Variants in UBE4B observed in about 807,000 individuals in gnomAD.
UBE4B encodes the protein ubiquitination factor E4B.
Under a neutral mutation model 148.1 loss-of-function variants are expected in UBE4B, and 27 were observed. That is an observed-to-expected ratio of 0.18 (90% confidence interval 0.13 to 0.25). The LOEUF (loss-of-function observed/expected upper bound fraction) is 0.25, where lower values mean the gene tolerates loss of function less well. UBE4B is among the 10% of genes least tolerant of loss of function. UBE4B has a pLI of 1.00. For synonymous variants in UBE4B, 596 were observed against 619.3 expected (o/e 0.96, Z 0.56); for missense variants, 1,170 against 1,662.4 (o/e 0.70, Z 5.15).
At chr1:10,072,547 C>T (rs1644506059) in intron 2 of UBE4B, 2 of 702,002 alleles carry the variant, frequency 2.8e-6, no homozygotes, top group Non-Finnish European at 2.6e-6. Context: ...ATAAAATAAT[C>T]TGAAAATGCA....
chr1:10,080,612 G>A (rs984878343), intron 2 of UBE4B, among the ~76,000 whole-genome samples: 1 of 152,114 alleles, frequency 6.6e-6, no homozygotes, highest in African/African-American at 2.4e-5. Context: ...CTCTACTCAT[G>A]TTCATTGCAG....
intron 10 of UBE4B, among the ~76,000 whole-genome samples, chr1:10,123,963 C>T (rs1186743171): frequency 6.6e-6 from 1 of 150,820 alleles, no homozygotes; most frequent in East Asian, 2.0e-4. Context: ...TTATTAGAGA[C>T]GGGGTTTCAC....
intron 7 of UBE4B, among the ~76,000 whole-genome samples, chr1:10,114,893 T>G (rs1452671559): frequency 1.3e-5 from 2 of 151,986 alleles, no homozygotes; most frequent in African/African-American, 4.8e-5. Context: ...TTAATTGCCT[T>G]TGTTTGTTAA....
intron 19 of UBE4B, among the ~76,000 whole-genome samples, chr1:10,148,854 C>T (rs1007153818): frequency 1.3e-5 from 2 of 150,856 alleles, no homozygotes; most frequent in African/African-American, 2.4e-5. Flanking sequence ...ACATGATAAT[C>T]GATTGAACTG....
intron 1 of UBE4B, among the ~76,000 whole-genome samples, chr1:10,038,657 C>G (rs1027574263): frequency 2.6e-5 from 4 of 152,170 alleles, no homozygotes; most frequent in Admixed American, 6.5e-5. Flanking sequence ...CAACATCCTA[C>G]GTAACACTGA....
intron 11 of UBE4B, chr1:10,129,014 T>TAA (rs1645547336): frequency 5.9e-6 from 1 of 169,246 alleles, no homozygotes; most frequent in Admixed American, 6.0e-5. Flanking sequence ...CATCTAAAGT[T>TAA]TATGAAATAA....
intron 1 of UBE4B, among the ~76,000 whole-genome samples, chr1:10,035,258 A>C (rs1643463900): frequency 1.3e-5 from 2 of 151,700 alleles, no homozygotes; most frequent in Admixed American, 6.6e-5. Context: ...CAGCCTCCCA[A>C]AGTGCTGGGA....
At chr1:10,070,452 A>C (rs1644464798) in intron 1 of UBE4B, among the ~76,000 whole-genome samples, 1 of 151,794 alleles carries the variant, frequency 6.6e-6, no homozygotes, top group South Asian at 2.1e-4. Flanking sequence ...TAAAAAAAAA[A>C]AAAAAAAACC....
rs1458681769 is a variant in UBE4B, at chr1:10,102,933, C to G, written c.436-15C>G. The G allele has an allele frequency of 1.9e-6, 3 of 1,592,518 alleles. No homozygotes were observed. Among genetic ancestry groups the G allele is most frequent in the Non-Finnish European group, 2.6e-6 (3 of 1,165,370 alleles). On this transcript the variant is annotated splice_polypyrimidine_tract_variant and intron_variant, in intron 4 of 27. Transcript: ENST00000343090. ...TCTTATTTGAAATTAACCTGCAAAT[C>G]TTCTTCTTCACCAGGAGCCTTCCTC...
chr1:10,164,835 C>T (rs868656699), intron 23 of UBE4B, among the ~76,000 whole-genome samples: 5 of 152,038 alleles, frequency 3.3e-5, no homozygotes, highest in African/African-American at 7.2e-5. Flanking sequence ...TGTTTCTCAA[C>T]GAGGGCACTA....
rs950649491 is a variant in UBE4B, at chr1:10,135,255, C to CA, written c.2224+70dup. ...TTGTCTGTGTGCTAGTAGTTCCTCA[C>CA]AGATTGTTACCACCTCACCATAAAA... On this transcript the variant is annotated intron_variant, in intron 16 of 27. Coordinates refer to ENST00000343090, the MANE Select transcript of UBE4B (RefSeq NM_001105562.3). 7.1e-6 allele frequency: 10 copies of CA among 1,418,320 alleles called. No individual in the cohort carries two copies. In the African/African-American group the frequency reaches 1.4e-4, roughly 20 times the overall value. The allele number at this position is 1,418,320 out of a possible 1,614,324, so 87.9% of individuals were successfully genotyped here.
chr1:10,179,634 G>C, intron 27 of UBE4B, 72 bp downstream of exon 27: 1 of 1,587,560 alleles, frequency 6.3e-7, no homozygotes, highest in Non-Finnish European at 8.5e-7. Context: ...TCACATATTG[G>C]AGATGAAGCA....
chr1:10,175,511 C>CT (rs1646410693), intron 25 of UBE4B, among the ~76,000 whole-genome samples: 1 of 149,896 alleles, frequency 6.7e-6, no homozygotes, highest in African/African-American at 2.5e-5. Flanking sequence ...ATTAGCCAGG[C>CT]GTGGTGGCGG....
chr1:10,077,994 A>G (rs1387174870), intron 2 of UBE4B, among the ~76,000 whole-genome samples: 1 of 151,432 alleles, frequency 6.6e-6, no homozygotes, highest in Admixed American at 6.6e-5. Context: ...ACTTTTTTAT[A>G]GTTAACACTG....
rs371255144 is a variant in UBE4B at position 10,111,000 on chromosome 1, TTCTCTCTGTC to T, written c.1196+4439_1196+4448del. 5.9e-3 allele frequency among the ~76,000 whole-genome samples: 860 copies of T among 146,628 alleles called. 10 individuals are homozygous for T. Among genetic ancestry groups the T allele is most frequent in the African/African-American group, 0.02 (745 of 37,432 alleles). On this transcript the variant is annotated intron_variant, in intron 7 of 27. Coordinates refer to ENST00000343090, the MANE Select transcript of UBE4B (RefSeq NM_001105562.3). ...GATAGAGTGAAACCCTGTCCCTCTC[TTCTCTCTGTC>T]TCTCTCTGTCTCTCTCTGTCTTTCT...
At chr1:10,071,426 TA>T (rs1284062989) in intron 1 of UBE4B, among the ~76,000 whole-genome samples, 4 of 151,792 alleles carry the variant, frequency 2.6e-5, no homozygotes, top group East Asian at 3.9e-4. Flanking sequence ...TGTCAAAAAT[TA>T]AAAAAAATTA....
intron 1 of UBE4B, among the ~76,000 whole-genome samples, chr1:10,034,602 C>T (rs889185834): frequency 3.1e-4 from 47 of 152,306 alleles, no homozygotes; most frequent in Middle Eastern, 6.8e-3. Flanking sequence ...ACTGGCCATA[C>T]CCTCTTTAGC....
chr1:10,121,639 C>G (rs984105072), intron 9 of UBE4B, among the ~76,000 whole-genome samples: 1 of 152,032 alleles, frequency 6.6e-6, no homozygotes, highest in Non-Finnish European at 1.5e-5. Flanking sequence ...AGTGATCCTC[C>G]CACCTCAGCC....
intron 11 of UBE4B, 60 bp downstream of exon 11, chr1:10,126,937 T>G (rs2101934663): frequency 8.4e-6 from 12 of 1,424,708 alleles, no homozygotes; most frequent in Middle Eastern, 1.8e-4. Flanking sequence ...CAGATTATTT[T>G]GACATATACT....
Sources: allele counts gnomAD v4.1 joint callset (sites outside exome capture counted in the v4.1 genomes callset), GRCh38; gene constraint gnomAD v4.1.1; transcripts MANE v1.5; gene names NCBI Gene and HGNC (gene_info 2026-07-23, HGNC 2026-07-21).